The following SNTB2 variants were observed in gnomAD, a reference collection of about 807,000 sequenced individuals.
SNTB2 encodes beta-2-syntrophin.
A neutral mutation model predicts 46.2 loss-of-function variants in SNTB2; 34 were observed. The ratio of observed to expected loss-of-function variants is 0.74; its 90% CI spans 0.56 to 0.98. SNTB2 has a LOEUF of 0.98. Among genes scored for constraint, SNTB2 ranks in the 50% least tolerant of loss-of-function variants. SNTB2 has a pLI of 0.00. For missense variants in SNTB2, 603 were observed against 731.4 expected (o/e 0.82, Z 2.02); for synonymous variants, 290 against 312.6 (o/e 0.93, Z 0.76).
intron 1 of SNTB2, among the ~76,000 whole-genome samples, chr16:69,204,716 T>C (rs1292843207): frequency 2.6e-5 from 4 of 152,214 alleles, no homozygotes; most frequent in Non-Finnish European, 5.9e-5. Context: ...GATCTGCCAG[T>C]GTATGGAAAT....
chr16:69,225,858 C>T (rs980509154), intron 1 of SNTB2, among the ~76,000 whole-genome samples: 1 of 151,976 alleles, frequency 6.6e-6, no homozygotes, highest in Non-Finnish European at 1.5e-5. Flanking sequence ...GCCTCCGCCT[C>T]CTGGGTTCAA....
intron 1 of SNTB2, among the ~76,000 whole-genome samples, chr16:69,227,878 GATGGGGTCT>G (rs1567402502): frequency 7.8e-6 from 1 of 127,482 alleles, no homozygotes; most frequent in Admixed American, 8.9e-5. Flanking sequence ...AGATAAGTAA[GATGGGGTCT>G]CACTCTGTCA....
intron 5 of SNTB2, among the ~76,000 whole-genome samples, chr16:69,299,249 T>G (rs1245549543): frequency 3.3e-5 from 5 of 151,894 alleles, no homozygotes; most frequent in African/African-American, 1.2e-4. Flanking sequence ...TGCAAGCAAT[T>G]CTCCTGCCTC....
intron 5 of SNTB2, among the ~76,000 whole-genome samples, chr16:69,293,466 A>G (rs1965193730): frequency 1.3e-5 from 2 of 152,204 alleles, no homozygotes; most frequent in African/African-American, 4.8e-5. Context: ...CGATATGGAG[A>G]TAATTGATGT....
chr16:69,293,347 T>C (rs1341283500), intron 5 of SNTB2, among the ~76,000 whole-genome samples: 5 of 152,092 alleles, frequency 3.3e-5, no homozygotes, highest in East Asian at 1.9e-4. Context: ...CTGAATAAAA[T>C]TGAGGTTTGC....
At chr16:69,210,154 G>C (rs2152291818) in intron 1 of SNTB2, among the ~76,000 whole-genome samples, 1 of 149,968 alleles carries the variant, frequency 6.7e-6, no homozygotes, top group East Asian at 2.0e-4. Flanking sequence ...CTCCCAAGTA[G>C]TTGGATTACA....
chr16:69,275,073 TTCTC>T (rs1391014312), intron 4 of SNTB2, among the ~76,000 whole-genome samples: 1 of 150,578 alleles, frequency 6.6e-6, no homozygotes, highest in African/African-American at 2.4e-5. Context: ...CCTTCCTTCC[TTCTC>T]TCTTTTTTTT....
At chr16:69,241,155 C>A (rs963567910) in intron 1 of SNTB2, among the ~76,000 whole-genome samples, 1 of 145,258 alleles carries the variant, frequency 6.9e-6, no homozygotes, top group Non-Finnish European at 1.5e-5. Context: ...CCACCGTGCC[C>A]GGCCTGGATA....
At chr16:69,222,583 A>T (rs1262913508) in intron 1 of SNTB2, among the ~76,000 whole-genome samples, 2 of 150,560 alleles carry the variant, frequency 1.3e-5, no homozygotes, top group Admixed American at 6.6e-5. Flanking sequence ...ACAGAGTGAG[A>T]CTTCATCTCA....
At chr16:69,239,010 C>T (rs918439791) in intron 1 of SNTB2, among the ~76,000 whole-genome samples, 3 of 152,152 alleles carry the variant, frequency 2.0e-5, no homozygotes, top group Non-Finnish European at 4.4e-5. Flanking sequence ...TTTGTGACCC[C>T]ATTTACTACT....
At chr16:69,259,944 T>G (rs1451843998) in intron 2 of SNTB2, 106 bp from the exon 3 acceptor site, 2 of 883,088 alleles carry the variant, frequency 2.3e-6, no homozygotes, top group Non-Finnish European at 3.7e-6. Flanking sequence ...ACAAATTTAT[T>G]TGAAGAATGC....
At chr16:69,246,989 G>GTA (rs1285132220) in intron 2 of SNTB2, among the ~76,000 whole-genome samples, 2 of 149,772 alleles carry the variant, frequency 1.3e-5, no homozygotes, top group Admixed American at 1.3e-4. Flanking sequence ...CATGGCACAT[G>GTA]TATATATATG....
At chr16:69,269,203 A>C (rs1471909543) in intron 3 of SNTB2, among the ~76,000 whole-genome samples, 1 of 151,738 alleles carries the variant, frequency 6.6e-6, no homozygotes, top group Admixed American at 6.6e-5. Context: ...AACATAGTGA[A>C]CCGTGATCCG....
chr16:69,270,297 T>G lies in SNTB2; in HGVS notation c.1148+12T>G. 1.2e-6 allele frequency: 2 copies of G among 1,613,912 alleles called. No individual in the cohort carries two copies. The highest frequency in any genetic ancestry group is 1.7e-6 in the Non-Finnish European group (2 of 1,179,870). On this transcript the variant is annotated intron_variant, in intron 4 of 6. Coordinates refer to ENST00000336278, the MANE Select transcript of SNTB2 (RefSeq NM_006750.4). ...CTTGTTGCCACCAGGTAAGTAAGAC[T>G]AAAGATAAGGAAGTAAAATATTTAT...
In SNTB2 at chr16:69,248,702, A is replaced by G. The variant is rs117560461; in HGVS notation, c.794+2887A>G. Among the ~76,000 whole-genome samples, 1,505 of 152,152 alleles carry G rather than the reference A, an allele frequency of 9.9e-3. 12 individuals are homozygous for G. The highest frequency in any genetic ancestry group is 0.054 in the Middle Eastern group (16 of 294). ...CTAGACATGGTGGTGGCTCACACCT[A>G]TCATCCCAATACTTTGGGAGGCTGA... On this transcript the variant is annotated intron_variant, in intron 2 of 6. Transcript: ENST00000336278.
chr16:69,247,012 A>G (rs1964676815), intron 2 of SNTB2, among the ~76,000 whole-genome samples: 1 of 151,062 alleles, frequency 6.6e-6, no homozygotes, highest in African/African-American at 2.4e-5. Flanking sequence ...ACTAACCTGC[A>G]CAATGTGCAC....
chr16:69,219,398 G>C (rs1415027442), intron 1 of SNTB2, among the ~76,000 whole-genome samples: 3 of 152,188 alleles, frequency 2.0e-5, no homozygotes, highest in Non-Finnish European at 4.4e-5. Context: ...TGGAATATGA[G>C]GCAGTCCCTC....
chr16:69,217,129 T>C (rs1964355042), intron 1 of SNTB2, among the ~76,000 whole-genome samples: 1 of 152,168 alleles, frequency 6.6e-6, no homozygotes, highest in African/African-American at 2.4e-5. Flanking sequence ...GGTAAAGTAA[T>C]AAAATGTAGC....
At chr16:69,214,080 C>T (rs1280805446) in intron 1 of SNTB2, among the ~76,000 whole-genome samples, 1 of 151,104 alleles carries the variant, frequency 6.6e-6, no homozygotes, top group Non-Finnish European at 1.5e-5. Flanking sequence ...GCCTCGGCCT[C>T]CCAAAGTGCT....
Sources: gnomAD v4.1 joint callset for allele counts (sites outside exome capture counted in the v4.1 genomes callset) on GRCh38, gnomAD v4.1.1 for gene constraint, MANE v1.5 for transcripts, NCBI Gene and HGNC (gene_info 2026-07-23, HGNC 2026-07-21) for gene names.